Variants in DEPDC5 observed in about 807,000 individuals in gnomAD.
The protein encoded by DEPDC5 is DEP domain containing 5, GATOR1 subcomplex subunit, also known as GATOR1 complex protein DEPDC5.
In DEPDC5, 73 loss-of-function variants were observed where a neutral mutation model predicts 217.3. That is an observed-to-expected ratio of 0.34 (90% CI 0.28 to 0.41). The LOEUF (loss-of-function observed/expected upper bound fraction) is 0.41. Ranked by LOEUF, DEPDC5 falls within the 10% of genes least tolerant of loss-of-function variation. The probability of loss-of-function intolerance (pLI) is 1.00; values close to 1 mark genes in which losing one functional copy is unlikely to be tolerated. For missense variants in DEPDC5, 1,675 were observed against 2,070.1 expected (o/e 0.81, Z 3.70); for synonymous variants, 733 against 756.7 (o/e 0.97, Z 0.51).
chr22:31,846,692 C>G, intron 30 of DEPDC5, 142 bp from the exon 31 acceptor site: 1 of 1,178,630 alleles, frequency 8.5e-7, no homozygotes, highest in South Asian at 1.5e-5. Flanking sequence ...CTGTCACTTA[C>G]TGAACACTGA....
intron 1 of DEPDC5, among the ~76,000 whole-genome samples, chr22:31,754,516 T>C (rs2075153687): frequency 6.6e-6 from 1 of 152,234 alleles, no homozygotes. Context: ...ACAAAATGAG[T>C]GGGCTAACCT....
At position 31,837,315 on chromosome 22, in the gene DEPDC5, T is replaced by C. The variant is rs944886283; in HGVS notation, c.2354+160T>C. 3 of 709,368 alleles carry C rather than the reference T, an allele frequency of 4.2e-6. No individual in the cohort carries two copies. In the Admixed American group the frequency reaches 9.8e-5, roughly 23 times the overall value. 43.9% of individuals were successfully genotyped at this position (709,368 alleles called of 1,614,324 possible). ...AGCATGGCCGTTAAATAAAAAATTT[T>C]AAAAAAACATTGAATTGTATTTTAT... On this transcript the variant is annotated intron_variant, in intron 26 of 42. Transcript: ENST00000651528.
chr22:31,834,236 C>G (rs1378736541), intron 25 of DEPDC5: 4 of 489,742 alleles, frequency 8.2e-6, no homozygotes, highest in Admixed American at 6.0e-5. Flanking sequence ...CCTATAAGGC[C>G]CCCATGCTGG....
At chr22:31,778,611 T>C (rs371070704) in intron 8 of DEPDC5, among the ~76,000 whole-genome samples, 2 of 152,116 alleles carry the variant, frequency 1.3e-5, no homozygotes, top group South Asian at 2.1e-4. Context: ...CAGTTTGGAG[T>C]TGATCTTCAT....
intron 17 of DEPDC5, 115 bp downstream of exon 17, chr22:31,805,030 G>T (rs949931675): frequency 1.8e-5 from 18 of 995,830 alleles, no homozygotes; most frequent in Non-Finnish European, 2.5e-5. Flanking sequence ...TTAAGAAAAT[G>T]TGGAAACCAA....
chr22:31,898,373 T>C (rs575738332), intron 40 of DEPDC5, among the ~76,000 whole-genome samples: 23 of 152,324 alleles, frequency 1.5e-4, no homozygotes, highest in African/African-American at 5.3e-4. Context: ...TAGCTTTTTA[T>C]TACCAAGTGC....
At chr22:31,785,035 T>A in intron 10 of DEPDC5, 160 bp downstream of exon 10, 1 of 603,750 alleles carries the variant, frequency 1.7e-6, no homozygotes, top group Non-Finnish European at 2.8e-6. Flanking sequence ...TATGAGAATT[T>A]ATGAAAAACA....
chr22:31,819,240 T>G lies in DEPDC5; in HGVS notation c.1870+15T>G. ...TTTTCCTGTGGGTAAGTTGGTTGCT[T>G]AAGAGAGAGCCTTGGACTAGGAGCT... On this transcript the variant is annotated intron_variant, in intron 22 of 42. Coordinates refer to ENST00000651528, the MANE Select transcript of DEPDC5 (RefSeq NM_001242896.3). The G allele has an allele frequency of 6.2e-7, 1 of 1,613,788 alleles. No homozygotes were observed. The highest frequency in any genetic ancestry group is 8.5e-7 in the Non-Finnish European group (1 of 1,179,870).
At chr22:31,806,074 T>C (rs1169422041) in intron 17 of DEPDC5, 48 bp from the exon 18 acceptor site, 1 of 1,557,658 alleles carries the variant, frequency 6.4e-7, no homozygotes, top group Non-Finnish European at 8.8e-7. Flanking sequence ...TTTTGAGTTT[T>C]AAAATAAAGG....
intron 10 of DEPDC5, among the ~76,000 whole-genome samples, chr22:31,788,304 C>T (rs966088108): frequency 1.8e-4 from 23 of 129,268 alleles, no homozygotes; most frequent in African/African-American, 6.1e-4. Context: ...GACAGAGTCT[C>T]GCCATGTTGC....
intron 24 of DEPDC5, among the ~76,000 whole-genome samples, chr22:31,830,660 T>TA (rs1479885123): frequency 2.0e-5 from 3 of 151,792 alleles, no homozygotes; most frequent in African/African-American, 7.3e-5. Context: ...TGTGTGTGTG[T>TA]GTGTGTGTGT....
intron 27 of DEPDC5, among the ~76,000 whole-genome samples, chr22:31,840,874 A>G (rs941336517): frequency 1.6e-4 from 24 of 152,206 alleles, no homozygotes; most frequent in Admixed American, 1.1e-3. Context: ...CTCAGAGTCT[A>G]CAGTCTATGG....
At chr22:31,876,088 G>C in intron 36 of DEPDC5, 69 bp from the exon 37 acceptor site, 1 of 1,433,062 alleles carries the variant, frequency 7.0e-7, no homozygotes, top group Admixed American at 1.7e-5. Flanking sequence ...TGTCTCCAGA[G>C]CATGACTGAG....
chr22:31,793,104 T>C (rs542876547), intron 12 of DEPDC5, among the ~76,000 whole-genome samples: 2 of 150,530 alleles, frequency 1.3e-5, no homozygotes, highest in South Asian at 2.1e-4. Context: ...AAATAAACCT[T>C]TTAATTTTGT....
chr22:31,772,239 C>A (rs1244860546), intron 7 of DEPDC5, among the ~76,000 whole-genome samples: 1 of 152,046 alleles, frequency 6.6e-6, no homozygotes, highest in Non-Finnish European at 1.5e-5. Flanking sequence ...TGAAAACAAA[C>A]AAAAATTTGT....
rs755529467 is a variant in DEPDC5 at position 31,780,598 on chromosome 22, TG to T, written c.483+2431del. Among the ~76,000 whole-genome samples the T allele has an allele frequency of 2.6e-5, 4 of 152,186 alleles. No individual in the cohort carries two copies. The East Asian group carries it at 7.7e-4, about 29-fold the overall frequency. Reference sequence around the variant, plus strand: ...ACATGCTGCCCTCTGTATCCTAGGGTGCCTAGACCCTGCCTTTCCCCTTCCC... The same window carrying T: ...ACATGCTGCCCTCTGTATCCTAGGGTCCTAGACCCTGCCTTTCCCCTTCCC... On this transcript the variant is annotated intron_variant, in intron 8 of 42. Transcript: ENST00000651528.
Position 31,893,803 on chromosome 22 carries a change from A to G in DEPDC5, c.4203+52A>G, listed in dbSNP as rs2093490626. On this transcript the variant is annotated intron_variant, in intron 39 of 42. Coordinates refer to ENST00000651528, the MANE Select transcript of DEPDC5 (RefSeq NM_001242896.3). Reference sequence around the variant, plus strand: ...GCCTTTGGCTCACCTCACAGTGGGCATGGAGATGCTTGATAGAGATTCATG... The same window carrying G: ...GCCTTTGGCTCACCTCACAGTGGGCGTGGAGATGCTTGATAGAGATTCATG... 2.7e-6 allele frequency: 4 copies of G among 1,461,018 alleles called. No homozygotes were observed. The South Asian group carries it at 4.5e-5, about 16-fold the overall frequency. The allele number at this position is 1,461,018 out of a possible 1,614,324, so 90.5% of individuals were successfully genotyped here. A position where few individuals can be genotyped will look rare whatever the true frequency, so the allele number is the denominator to read the frequency against.
intron 40 of DEPDC5, 151 bp downstream of exon 40, chr22:31,897,804 G>A: frequency 1.1e-6 from 1 of 881,254 alleles, no homozygotes; most frequent in Non-Finnish European, 1.7e-6. Context: ...AAAGGATCCT[G>A]ATTCTTGACT....
chr22:31,769,807 G>C (rs2083173593), intron 7 of DEPDC5: 1 of 152,022 alleles, frequency 6.6e-6, no homozygotes, highest in Non-Finnish European at 1.5e-5. Context: ...CTGTAGTCCA[G>C]CTACCCGGGA....
Sources: gnomAD v4.1 joint callset for allele counts (sites outside exome capture counted in the v4.1 genomes callset) on GRCh38, gnomAD v4.1.1 for gene constraint, MANE v1.5 for transcripts, NCBI Gene and HGNC (gene_info 2026-07-23, HGNC 2026-07-21) for gene names.